KCNB2: variants seen among roughly 807,000 people sequenced by gnomAD.
The protein encoded by KCNB2 is delayed rectifier potassium channel protein.
Under a neutral mutation model 61.5 loss-of-function variants are expected in KCNB2, and 15 were observed. The observed-to-expected ratio is 0.24, with a 90% CI of 0.16 to 0.38. The LOEUF is 0.38. KCNB2 is among the 10% of genes least tolerant of loss of function. The pLI is 1.00. For synonymous variants in KCNB2, 457 were observed against 446.0 expected (o/e 1.02, Z -0.31); for missense variants, 828 against 1,125.2 (o/e 0.74, Z 3.78).
At chr8:72,892,098 G>A (rs528160159) in intron 2 of KCNB2, among the ~76,000 whole-genome samples, 9 of 152,226 alleles carry the variant, frequency 5.9e-5, no homozygotes, top group Admixed American at 2.0e-4. Flanking sequence ...TTGTTAATGC[G>A]CACACAAAAC....
rs74400097 is a variant in KCNB2, at chr8:72,837,067, T to C, written c.580-98868T>C. Among the ~76,000 whole-genome samples the C allele has an allele frequency of 5.3e-4, 81 of 152,348 alleles. No individual in the cohort carries two copies. In the East Asian group the frequency reaches 9.8e-3, roughly 19 times the overall value. On this transcript the variant is annotated intron_variant, in intron 2 of 2. Coordinates refer to ENST00000523207, the MANE Select transcript of KCNB2 (RefSeq NM_004770.3). ...ATGATGGCATCTAATTCTATAAAAATGTGTTTAAGCCCTACTTTTTCAATT... is the reference window on the plus strand; with the variant it reads ...ATGATGGCATCTAATTCTATAAAAACGTGTTTAAGCCCTACTTTTTCAATT...
intron 2 of KCNB2, among the ~76,000 whole-genome samples, chr8:72,638,832 T>C (rs1806009105): frequency 1.3e-5 from 2 of 152,154 alleles, no homozygotes; most frequent in African/African-American, 4.8e-5. Context: ...TCCCACTACA[T>C]TGCATTGTTT....
chr8:72,849,263 C>G (rs1233627330), intron 2 of KCNB2, among the ~76,000 whole-genome samples: 1 of 151,674 alleles, frequency 6.6e-6, no homozygotes, highest in Non-Finnish European at 1.5e-5. Context: ...GGTGCTGTTT[C>G]AATAGATAAA....
At chr8:72,859,706 C>T (rs1189052881) in intron 2 of KCNB2, among the ~76,000 whole-genome samples, 70 of 73,372 alleles carry the variant, frequency 9.5e-4, no homozygotes, top group African/African-American at 2.2e-3. Context: ...TACTTCATTT[C>T]GTTTTTTTTT....
At chr8:72,930,574 T>C (rs1806758632) in intron 2 of KCNB2, among the ~76,000 whole-genome samples, 1 of 152,262 alleles carries the variant, frequency 6.6e-6, no homozygotes, top group African/African-American at 2.4e-5. Context: ...TTCATGTGTC[T>C]GTTGGCTGCA....
intron 2 of KCNB2, among the ~76,000 whole-genome samples, chr8:72,586,808 A>G (rs1188946188): frequency 6.6e-6 from 1 of 152,216 alleles, no homozygotes; most frequent in African/African-American, 2.4e-5. Flanking sequence ...ACTATAGTCA[A>G]CAATCCAACC....
At chr8:72,586,132 A>G (rs1216209207) in intron 2 of KCNB2, among the ~76,000 whole-genome samples, 5 of 152,210 alleles carry the variant, frequency 3.3e-5, no homozygotes, top group African/African-American at 1.2e-4. Context: ...GAATTCCTAC[A>G]GCATTTCCAT....
rs559099064 is a variant in KCNB2, at chr8:72,712,981, C to T, written c.579+144668C>T. On this transcript the variant is annotated intron_variant, in intron 2 of 2. Transcript: ENST00000523207. ...CCACCCTAATACTGCACAATTCCAA[C>T]GGGCTTAACAAATGGCACACCAGGA... Among the ~76,000 whole-genome samples, 27 of 152,308 alleles carry T rather than the reference C, an allele frequency of 1.8e-4. No individual in the cohort carries two copies. In the South Asian group the frequency reaches 4.1e-3, roughly 23 times the overall value.
In KCNB2 at chr8:72,773,078, C is replaced by T. The variant is rs370136447; in HGVS notation, c.580-162857C>T. Among the ~76,000 whole-genome samples the T allele has an allele frequency of 1.3e-5, 2 of 152,170 alleles. 1 individual carries two copies. Among genetic ancestry groups the T allele is most frequent in the East Asian group, 3.9e-4 (2 of 5,192 alleles). On this transcript the variant is annotated intron_variant, in intron 2 of 2. Coordinates refer to ENST00000523207, the MANE Select transcript of KCNB2 (RefSeq NM_004770.3). ...ATAATCCTCCTCTTTAGTCCATCCT[C>T]TCAATTGGCCAGAATCTAATCTGGA...
At position 72,561,705 on chromosome 8, in the gene KCNB2, A is replaced by ATGTG. The variant is rs1186323623; in HGVS notation, c.-93-5936_-93-5935insGTGT. 1.2e-3 allele frequency among the ~76,000 whole-genome samples: 25 copies of ATGTG among 20,244 alleles called. 1 individual carries two copies. Among genetic ancestry groups the ATGTG allele is most frequent in the Admixed American group, 9.4e-3 (13 of 1,388 alleles). 13.3% of individuals were successfully genotyped at this position (20,244 alleles called of 152,430 possible). A position where few individuals can be genotyped will look rare whatever the true frequency, so the allele number is the denominator to read the frequency against. On this transcript the variant is annotated intron_variant, in intron 1 of 2. Transcript: ENST00000523207. ...GGATCTTACTTTTATATATATATATATATATATATATATATATATATATCT... is the reference window on the plus strand; with the variant it reads ...GGATCTTACTTTTATATATATATATATGTGTATATATATATATATATATATATCT...
intron 2 of KCNB2, among the ~76,000 whole-genome samples, chr8:72,640,036 T>C (rs998203686): frequency 5.3e-5 from 8 of 151,796 alleles, no homozygotes; most frequent in Non-Finnish European, 1.2e-4. Flanking sequence ...GTTGGTCAAA[T>C]GCATCATTGC....
intron 2 of KCNB2, chr8:72,619,093 A>G (rs1379190461): frequency 3.4e-6 from 1 of 290,890 alleles, no homozygotes. Context: ...TCTTTTTGAC[A>G]TTTTTCCAAT....
intron 1 of KCNB2, among the ~76,000 whole-genome samples, chr8:72,546,857 A>G (rs1806267416): frequency 6.6e-6 from 1 of 152,202 alleles, no homozygotes; most frequent in Non-Finnish European, 1.5e-5. Flanking sequence ...TGTTACCCAC[A>G]ACAGATTTTT....
chr8:72,688,418 T>C (rs979866703), intron 2 of KCNB2, among the ~76,000 whole-genome samples: 1 of 152,064 alleles, frequency 6.6e-6, no homozygotes, highest in African/African-American at 2.4e-5. Context: ...TGGGCTATCA[T>C]CTAGCTAATT....
At chr8:72,821,091 A>C (rs934663448) in intron 2 of KCNB2, among the ~76,000 whole-genome samples, 5 of 152,112 alleles carry the variant, frequency 3.3e-5, no homozygotes, top group Non-Finnish European at 7.4e-5. Flanking sequence ...TTCAATTTTC[A>C]TATCTCAAAA....
chr8:72,602,639 T>A (rs1805372397), intron 2 of KCNB2, among the ~76,000 whole-genome samples: 1 of 152,164 alleles, frequency 6.6e-6, no homozygotes, highest in African/African-American at 2.4e-5. Flanking sequence ...GCCATTTTAC[T>A]ATGACTCACA....
At chr8:72,577,285 C>T (rs988158712) in intron 2 of KCNB2, among the ~76,000 whole-genome samples, 2 of 147,414 alleles carry the variant, frequency 1.4e-5, no homozygotes, top group African/African-American at 4.9e-5. Flanking sequence ...TTGTATGTGC[C>T]CATGTGTATG....
intron 2 of KCNB2, among the ~76,000 whole-genome samples, chr8:72,809,227 T>C (rs1809269041): frequency 6.6e-6 from 1 of 152,164 alleles, no homozygotes; most frequent in South Asian, 2.1e-4. Flanking sequence ...TAGTACTTCA[T>C]TCCACCTGAA....
intron 2 of KCNB2, among the ~76,000 whole-genome samples, chr8:72,864,089 C>T (rs1805468714): frequency 6.6e-6 from 1 of 152,188 alleles, no homozygotes; most frequent in Admixed American, 6.5e-5. Context: ...TTTCTCAAAC[C>T]AAACTCCAGA....
Sources: allele counts gnomAD v4.1 joint callset (sites outside exome capture counted in the v4.1 genomes callset), GRCh38; gene constraint gnomAD v4.1.1; transcripts MANE v1.5; gene names NCBI Gene and HGNC (gene_info 2026-07-23, HGNC 2026-07-21).